OR51B5: variants seen among roughly 807,000 people sequenced by gnomAD.
OR51B5 encodes olfactory receptor family 51 subfamily B member 5.
For synonymous variants in OR51B5, 186 were observed against 144.8 expected (o/e 1.28, Z -2.04); for missense variants, 456 against 374.6 (o/e 1.22, Z -1.79).
At chr11:5,441,452 C>T in intron 1 of OR51B5, 1 of 1,613,694 alleles carries the variant, frequency 6.2e-7, no homozygotes. Context: ...CTGTTTGTAT[C>T]CCAGGAATGC....
intron 1 of OR51B5, among the ~76,000 whole-genome samples, chr11:5,408,963 C>G (rs549510490): frequency 6.6e-6 from 1 of 152,088 alleles, no homozygotes; most frequent in South Asian, 2.1e-4. Flanking sequence ...AAATGTTGTG[C>G]ATTCTTCATC....
At chr11:5,500,069 T>G (rs749106960) in intron 1 of OR51B5, among the ~76,000 whole-genome samples, 3 of 152,214 alleles carry the variant, frequency 2.0e-5, no homozygotes, top group Non-Finnish European at 4.4e-5. Flanking sequence ...CCCTTTGACC[T>G]GCTAGACCAT....
chr11:5,423,945 A>G (rs185405926), intron 1 of OR51B5, among the ~76,000 whole-genome samples: 17 of 152,190 alleles, frequency 1.1e-4, no homozygotes, highest in Non-Finnish European at 1.0e-4. Flanking sequence ...TTATGTTCTT[A>G]ATGTAGCTCT....
chr11:5,379,968 A>G (rs1053342400), intron 1 of OR51B5, among the ~76,000 whole-genome samples: 2 of 150,402 alleles, frequency 1.3e-5, no homozygotes, highest in African/African-American at 2.5e-5. Flanking sequence ...AGTCACCAGA[A>G]TCATGAACCA....
At chr11:5,445,401 C>A (rs1850745164) in intron 1 of OR51B5, among the ~76,000 whole-genome samples, 1 of 152,034 alleles carries the variant, frequency 6.6e-6, no homozygotes, top group South Asian at 2.1e-4. Flanking sequence ...ATGCTAGCAT[C>A]CATGTAACAA....
intron 1 of OR51B5, among the ~76,000 whole-genome samples, chr11:5,465,512 C>T (rs1472455054): frequency 6.6e-6 from 1 of 151,502 alleles, no homozygotes; most frequent in Non-Finnish European, 1.5e-5. Flanking sequence ...CAATCCTAAG[C>T]CAAAAGAACA....
At chr11:5,483,093 A>T (rs1430463234) in intron 1 of OR51B5, among the ~76,000 whole-genome samples, 1 of 150,680 alleles carries the variant, frequency 6.6e-6, no homozygotes, top group Non-Finnish European at 1.5e-5. Context: ...AATAGCAAAG[A>T]CTTGGAACCA....
intron 1 of OR51B5, among the ~76,000 whole-genome samples, chr11:5,386,127 C>T (rs1057383643): frequency 4.0e-5 from 6 of 151,816 alleles, no homozygotes; most frequent in South Asian, 2.1e-4. Context: ...TTAAAGGATC[C>T]GCAAGTGTTT....
chr11:5,411,104 C>T (rs1850142841), intron 1 of OR51B5, among the ~76,000 whole-genome samples: 1 of 152,278 alleles, frequency 6.6e-6, no homozygotes, highest in East Asian at 1.9e-4. Flanking sequence ...CAGTAATGTC[C>T]TAGGACTTTT....
intron 1 of OR51B5, among the ~76,000 whole-genome samples, chr11:5,356,932 AT>A (rs1384487719): frequency 2.0e-5 from 3 of 151,414 alleles, no homozygotes; most frequent in Non-Finnish European, 4.4e-5. Context: ...ATGCTGAGAG[AT>A]TTTGTCATCA....
At chr11:5,389,801 C>T (rs1498468) in intron 1 of OR51B5, 1,288,314 of 1,613,746 alleles carry the variant, frequency 0.8, 517,613 homozygotes, top group Middle Eastern at 0.83. Context: ...CTTTGACCGC[C>T]TTGTGGCCAT....
chr11:5,377,779 G>C (rs556939574), intron 1 of OR51B5, among the ~76,000 whole-genome samples: 1 of 139,152 alleles, frequency 7.2e-6, no homozygotes, highest in Admixed American at 7.1e-5. Flanking sequence ...TCTTCAAGGA[G>C]AACTACAAAC....
chr11:5,444,768 G>A (rs1850737679), intron 1 of OR51B5, among the ~76,000 whole-genome samples: 1 of 152,116 alleles, frequency 6.6e-6, no homozygotes, highest in South Asian at 2.1e-4. Context: ...GAAATAACTG[G>A]GAAGGTGGTA....
At chr11:5,371,306 CA>C (rs1340906648) in intron 1 of OR51B5, among the ~76,000 whole-genome samples, 1 of 151,786 alleles carries the variant, frequency 6.6e-6, no homozygotes, top group South Asian at 2.1e-4. Flanking sequence ...CACAGAAGTT[CA>C]AAAAAATTGA....
intron 1 of OR51B5, among the ~76,000 whole-genome samples, chr11:5,376,954 A>AT (rs951653852): frequency 3.9e-5 from 6 of 152,082 alleles, no homozygotes; most frequent in Non-Finnish European, 7.4e-5. Context: ...TCCCTAACTC[A>AT]TTTTATGAGG....
chr11:5,399,069 G>A (rs1849927166), intron 1 of OR51B5, among the ~76,000 whole-genome samples: 1 of 152,182 alleles, frequency 6.6e-6, no homozygotes, highest in Non-Finnish European at 1.5e-5. Flanking sequence ...TCTGGCAGAA[G>A]GAGAGGAATC....
Position 5,343,490 on chromosome 11 carries a change from A to AT in OR51B5, c.34_35insA (p.Leu12TyrfsTer37). The stretch of plus-strand genomic sequence containing the variant: ...TTCCTCCAAGCCTGGAAAACCAGTC[A>AT]ATAGGAAGGGATGGGAGCTGCCGCT... On this transcript the variant is annotated frameshift_variant, in exon 1 of 1. Transcript: ENST00000300773. LOFTEE classifies it low-confidence loss of function (END_TRUNC). 1 of 1,313,112 alleles carries AT rather than the reference A, an allele frequency of 7.6e-7. No individual in the cohort carries two copies. The highest frequency in any genetic ancestry group is 1.1e-6 in the Non-Finnish European group (1 of 914,544). The allele number at this position is 1,313,112 out of a possible 1,614,324, so 81.3% of individuals were successfully genotyped here.
chr11:5,353,478 A>T (rs899812434), intron 1 of OR51B5, among the ~76,000 whole-genome samples: 1 of 98,952 alleles, frequency 1.0e-5, no homozygotes, highest in Admixed American at 9.5e-5. Flanking sequence ...ATATGTGGAG[A>T]GTGGGGAGGA....
intron 1 of OR51B5, chr11:5,402,971 G>T: frequency 2.1e-6 from 1 of 471,316 alleles, no homozygotes; most frequent in South Asian, 1.5e-5. Flanking sequence ...TCTTTGGACC[G>T]CTTTATAGCC....
Sources: allele counts gnomAD v4.1 joint callset (sites outside exome capture counted in the v4.1 genomes callset), GRCh38; gene constraint gnomAD v4.1.1; transcripts MANE v1.5; gene names NCBI Gene and HGNC (gene_info 2026-07-23, HGNC 2026-07-21).